The following RAP1GAP2 variants were observed in gnomAD, a reference collection of about 807,000 sequenced individuals.
The protein encoded by RAP1GAP2 is rap1 GTPase-activating protein 2.
In RAP1GAP2, 27 loss-of-function variants were observed where a neutral mutation model predicts 95.0. That is an observed-to-expected ratio of 0.28 (90% confidence interval 0.21 to 0.39). The LOEUF is 0.39. Ranked by LOEUF, RAP1GAP2 falls within the 10% of genes least tolerant of loss-of-function variation. The probability of loss-of-function intolerance (pLI) is 1.00; values close to 1 mark genes in which losing one functional copy is unlikely to be tolerated. For synonymous variants in RAP1GAP2, 373 were observed against 380.9 expected, an observed-to-expected ratio of 0.98 and a Z score of 0.24; for missense variants, 771 against 970.0, an observed-to-expected ratio of 0.79 and a Z score of 2.72.
At chr17:2,909,643 C>T (rs2042307624) in intron 3 of RAP1GAP2, among the ~76,000 whole-genome samples, 1 of 152,234 alleles carries the variant, frequency 6.6e-6, no homozygotes, top group Admixed American at 6.5e-5. Flanking sequence ...AGGCCCGGAG[C>T]AGAGCAGCCT....
intron 1 of RAP1GAP2, among the ~76,000 whole-genome samples, chr17:2,799,823 A>AG (rs1175401218): frequency 9.2e-5 from 14 of 152,108 alleles, no homozygotes; most frequent in African/African-American, 3.4e-4. Flanking sequence ...TGGCATATGC[A>AG]GGGGGGTAAA....
upstream of RAP1GAP2, among the ~76,000 whole-genome samples, chr17:2,793,624 C>G (rs1379577072): frequency 6.6e-6 from 1 of 152,214 alleles, no homozygotes; most frequent in Non-Finnish European, 1.5e-5. Flanking sequence ...ACTGTTCCCA[C>G]TTTCACTTGT....
chr17:2,841,538 C>T (rs1271476896), intron 2 of RAP1GAP2, among the ~76,000 whole-genome samples: 2 of 151,958 alleles, frequency 1.3e-5, no homozygotes, highest in East Asian at 3.9e-4. Context: ...AATCTCCTGA[C>T]CTTGTGATCT....
intron 2 of RAP1GAP2, among the ~76,000 whole-genome samples, chr17:2,864,301 A>AG (rs139908327): frequency 2.0e-5 from 3 of 152,326 alleles, no homozygotes; most frequent in African/African-American, 7.2e-5. Flanking sequence ...AGAGAAGCAA[A>AG]GCCCTGTCTG....
chr17:3,027,191 G>A lies in RAP1GAP2; in HGVS notation c.2107+121G>A. The A allele has an allele frequency of 2.3e-6, 3 of 1,299,954 alleles. No homozygotes were observed. Among genetic ancestry groups the A allele is most frequent in the Non-Finnish European group, 3.1e-6 (3 of 966,432 alleles). 80.5% of individuals were successfully genotyped at this position (1,299,954 alleles called of 1,614,324 possible). Reference sequence around the variant, plus strand: ...TTTTCACCCCTCCTCCCAGCTGTGAGGCCCTCCGCTCTGTGCGCCCGCCTC... The same window carrying A: ...TTTTCACCCCTCCTCCCAGCTGTGAAGCCCTCCGCTCTGTGCGCCCGCCTC... On this transcript the variant is annotated intron_variant, in intron 22 of 24. Coordinates refer to ENST00000254695, the MANE Select transcript of RAP1GAP2 (RefSeq NM_015085.5). This position sits in a 1 kb window ranked among gnomAD's most constrained non-coding sequence, Gnocchi z 5.2.
intron 3 of RAP1GAP2, among the ~76,000 whole-genome samples, chr17:2,908,461 A>T (rs2042271721): frequency 6.6e-6 from 1 of 152,010 alleles, no homozygotes; most frequent in Non-Finnish European, 1.5e-5. Flanking sequence ...CAGAGTGGAG[A>T]GGGGATGAGC....
upstream of RAP1GAP2, among the ~76,000 whole-genome samples, chr17:2,793,776 C>T (rs1297927952): frequency 2.0e-5 from 3 of 152,196 alleles, no homozygotes; most frequent in Non-Finnish European, 4.4e-5. Flanking sequence ...CTGGCACAGC[C>T]GGATCCTGGA....
At position 3,026,979 on chromosome 17, in the gene RAP1GAP2, G is replaced by A; in HGVS notation, c.2016G>A (p.Gln672=). 6.4e-7 allele frequency: 1 copy of A among 1,555,384 alleles called. No homozygotes were observed. The highest frequency in any genetic ancestry group is 8.7e-7 in the Non-Finnish European group (1 of 1,149,264). Residue 672 remains glutamine (Q), a synonymous_variant, in exon 22 of 25, where the codon CAG becomes CAA. Transcript: ENST00000254695. ...SQPSTTSPFK[Q]EVFVYSPSPS... ...CGTCCACGACCTCACCCTTCAAGCAGGAGGTGTTTGTCTACAGCCCGTCCC... is the reference window on the plus strand; with the variant it reads ...CGTCCACGACCTCACCCTTCAAGCAAGAGGTGTTTGTCTACAGCCCGTCCC...
At chr17:2,838,947 CATT>C (rs2071260022) in intron 2 of RAP1GAP2, among the ~76,000 whole-genome samples, 2 of 152,158 alleles carry the variant, frequency 1.3e-5, no homozygotes, top group East Asian at 3.8e-4. Flanking sequence ...ACTGTAATAA[CATT>C]ATTCAATTTT....
chr17:2,792,273 C>T (rs541298599), upstream of RAP1GAP2, among the ~76,000 whole-genome samples: 10 of 152,328 alleles, frequency 6.6e-5, no homozygotes, highest in East Asian at 1.5e-3. Flanking sequence ...AGAAGCTGCG[C>T]GGGACTGAAG....
At chr17:2,997,181 A>G (rs902772520) in intron 13 of RAP1GAP2, among the ~76,000 whole-genome samples, 19 of 152,112 alleles carry the variant, frequency 1.2e-4, no homozygotes, top group African/African-American at 4.6e-4. Context: ...TGCTTGGGAT[A>G]TGGAGTTATG....
In RAP1GAP2 at chr17:2,983,457, GA is replaced by G. The variant is rs1405517516; in HGVS notation, c.730-1523del. 3.3e-5 allele frequency among the ~76,000 whole-genome samples: 5 copies of G among 152,104 alleles called. No individual in the cohort carries two copies. In the East Asian group the frequency reaches 9.6e-4, roughly 29 times the overall value. On this transcript the variant is annotated intron_variant, in intron 10 of 24. Coordinates refer to ENST00000254695, the MANE Select transcript of RAP1GAP2 (RefSeq NM_015085.5). ...GCGTCATAAAAAACAAAACAAAACA[GA>G]AACAAAGATATTGCGCCATCTTTGT...
At chr17:2,953,124 T>C (rs917258707) in intron 3 of RAP1GAP2, among the ~76,000 whole-genome samples, 4 of 152,054 alleles carry the variant, frequency 2.6e-5, no homozygotes, top group African/African-American at 7.2e-5. Flanking sequence ...TTTATTGATA[T>C]AATGGCTTTT....
intron 2 of RAP1GAP2, among the ~76,000 whole-genome samples, chr17:2,771,369 G>C (rs1449859111): frequency 6.6e-6 from 1 of 152,044 alleles, no homozygotes; most frequent in Non-Finnish European, 1.5e-5. Context: ...GGCCAGCATC[G>C]GCAGTCACAA....
rs1443336092 is a variant in RAP1GAP2 at position 2,871,353 on chromosome 17, T to C, written c.81-33931T>C. On this transcript the variant is annotated intron_variant, in intron 2 of 24. Coordinates refer to ENST00000254695, the MANE Select transcript of RAP1GAP2 (RefSeq NM_015085.5). This position sits in a 1 kb window ranked among gnomAD's most constrained non-coding sequence, Gnocchi z 5.0. ...GATACATTCCAGGGAGGAGTTCTGA[T>C]TGGCCTGGATTGTGTGTCCATCTCA... Among the ~76,000 whole-genome samples the C allele has an allele frequency of 6.6e-6, 1 of 152,224 alleles. No homozygotes were observed. The highest frequency in any genetic ancestry group is 1.5e-5 in the Non-Finnish European group (1 of 68,040).
intron 1 of RAP1GAP2, among the ~76,000 whole-genome samples, chr17:2,759,167 C>T (rs750704920): frequency 7.2e-4 from 110 of 152,282 alleles, no homozygotes; most frequent in Non-Finnish European, 1.1e-3. Context: ...TACCTAACCT[C>T]TACTGACAAT....
At position 3,035,559 on chromosome 17, in the gene RAP1GAP2, G is replaced by A. The variant is rs139951440; in HGVS notation, c.*2198G>A. 9.4e-3 allele frequency: 1,443 copies of A among 152,860 alleles called. 21 individuals carry two copies. Among genetic ancestry groups the A allele is most frequent in the African/African-American group, 0.032 (1,334 of 41,588 alleles). 9.5% of individuals were successfully genotyped at this position (152,860 alleles called of 1,614,324 possible). A position where few individuals can be genotyped will look rare whatever the true frequency, so the allele number is the denominator to read the frequency against. On this transcript the variant is annotated 3_prime_UTR_variant, in exon 25 of 25. Transcript: ENST00000254695. The surrounding 1 kb of genome is among the most constrained non-coding windows in gnomAD (Gnocchi z 4.3). Reference sequence around the variant, plus strand: ...GGATGGCTGGGTGGCCCCCAGAGAAGCACAGACCTGAGATGGGGTCTCCAT... The same window carrying A: ...GGATGGCTGGGTGGCCCCCAGAGAAACACAGACCTGAGATGGGGTCTCCAT...
At chr17:2,884,678 G>A (rs962684462) in intron 2 of RAP1GAP2, among the ~76,000 whole-genome samples, 3 of 152,014 alleles carry the variant, frequency 2.0e-5, no homozygotes, top group African/African-American at 7.2e-5. Context: ...CCAGCCTAGC[G>A]TTCTTGAATT....
At chr17:2,800,873 C>T (rs576289143) in intron 2 of RAP1GAP2, among the ~76,000 whole-genome samples, 1 of 133,790 alleles carries the variant, frequency 7.5e-6, no homozygotes, top group Non-Finnish European at 1.5e-5. Flanking sequence ...TTTTTTGAGA[C>T]GGAGTCTTGC....
Sources: allele counts gnomAD v4.1 joint callset (sites outside exome capture counted in the v4.1 genomes callset), GRCh38; gene constraint gnomAD v4.1.1; non-coding constraint Gnocchi (gnomAD v3.1); transcripts MANE v1.5; gene names NCBI Gene and HGNC (gene_info 2026-07-23, HGNC 2026-07-21).